TWNK: variants seen among roughly 807,000 people sequenced by gnomAD.
TWNK encodes twinkle mtDNA helicase, also known as T7 gp4-like protein with intramitochondrial nucleoid localization.
A neutral mutation model predicts 58.2 loss-of-function variants in TWNK; 36 were observed. The ratio of observed to expected loss-of-function variants is 0.62; its 90% CI spans 0.47 to 0.82. The LOEUF is 0.82. Ranked by LOEUF, TWNK falls within the 40% of genes least tolerant of loss-of-function variation. The pLI is 0.00. For missense variants in TWNK, 714 were observed against 881.0 expected (o/e 0.81, Z 2.40); for synonymous variants, 349 against 348.5 (o/e 1.00, Z -0.02).
chr10:100,990,887 C>T lies in TWNK; in HGVS notation c.1611C>T (p.Tyr537=). Residue 537 remains tyrosine (Y), a synonymous_variant, in exon 4 of 5, where the codon TAC becomes TAT. Transcript: ENST00000311916. ...LSTDRIAAQD[Y]IIGVFRKFAT... is the part of the protein sequence containing the mutation. ...GGCGTAGGATCGCAGCTCAAGACTA[C>T]ATCATCGGGGTCTTTCGGAAGTTTG... 1 of 1,614,262 alleles carries T rather than the reference C, an allele frequency of 6.2e-7. No homozygotes were observed. Among genetic ancestry groups the T allele is most frequent in the Non-Finnish European group, 8.5e-7 (1 of 1,180,052 alleles).
Position 100,993,500 on chromosome 10 carries a change from G to GACACC in TWNK, c.2045_2046insACACC (p.Ser683HisfsTer19). The stretch of plus-strand genomic sequence containing the variant: ...CCCGACCAGCCAGACACCTCCAAGC[G>GACACC]TTCAAAGTGAAGGCCGTGCAGAGCT... On this transcript the variant is annotated frameshift_variant, in exon 5 of 5. Coordinates refer to ENST00000311916, the MANE Select transcript of TWNK (RefSeq NM_021830.5). LOFTEE classifies it high-confidence loss of function. The GACACC allele has an allele frequency of 6.2e-7, 1 of 1,614,100 alleles. No homozygotes were observed. The highest frequency in any genetic ancestry group is 8.5e-7 in the Non-Finnish European group (1 of 1,180,022).
In TWNK at chr10:100,987,820, A is replaced by G; in HGVS notation, c.-391A>G. ...GGGCCTAGGGCAAAGGGACTACAAAAAGGATGCAGATGACTATAGAAATGA... is the reference window on the plus strand; with the variant it reads ...GGGCCTAGGGCAAAGGGACTACAAAGAGGATGCAGATGACTATAGAAATGA... On this transcript the variant is annotated 5_prime_UTR_variant, in exon 1 of 5. Transcript: ENST00000311916. 1 of 587,348 alleles carries G rather than the reference A, an allele frequency of 1.7e-6. No individual in the cohort carries two copies. The highest frequency in any genetic ancestry group is 3.0e-6 in the Non-Finnish European group (1 of 332,406). 36.4% of individuals were successfully genotyped at this position (587,348 alleles called of 1,614,324 possible).
chr10:100,988,095 C>A lies in TWNK; in HGVS notation c.-116C>A. 8.4e-7 allele frequency: 1 copy of A among 1,193,564 alleles called. No homozygotes were observed. The highest frequency in any genetic ancestry group is 1.2e-6 in the Non-Finnish European group (1 of 801,058). The allele number at this position is 1,193,564 out of a possible 1,614,324, so 73.9% of individuals were successfully genotyped here. A position where few individuals can be genotyped will look rare whatever the true frequency, so the allele number is the denominator to read the frequency against. On this transcript the variant is annotated 5_prime_UTR_variant, in exon 1 of 5. Coordinates refer to ENST00000311916, the MANE Select transcript of TWNK (RefSeq NM_021830.5). This position sits in a 1 kb window ranked among gnomAD's most constrained non-coding sequence, Gnocchi z 5.2. ...AAATTCATGGAGAGAAAGAATGCAC[C>A]TAGAGTGAGCTCTGCAGAGTGCTGC...
rs747597649 is a variant in TWNK at position 100,993,403 on chromosome 10, A to C, written c.1948A>C (p.Lys650Gln). The C allele has an allele frequency of 6.8e-6, 11 of 1,614,114 alleles. No individual in the cohort carries two copies. In the East Asian group the frequency reaches 2.2e-4, roughly 33 times the overall value. ...CAAGGATGACACTGGACCAGTGGCC[A>C]AAAAGCCCTCTTCTGGCAAAAAGGG... ...KIKDDTGPVA[K>Q]KPSSGKKGAT... Residue 650 changes from lysine (K) to glutamine (Q), a missense_variant, in exon 5 of 5, where the codon AAA (lysine) becomes CAA (glutamine). Lys to Gln is a moderately conservative substitution (Grantham distance 53, BLOSUM62 1). Around this residue, in one of 3 missense-constraint regions of TWNK, gnomAD observed 64 missense variants for 54.0 expected, o/e 1.19. Coordinates refer to ENST00000311916, the MANE Select transcript of TWNK (RefSeq NM_021830.5).
rs760988188 is a variant in TWNK at position 100,989,758 on chromosome 10, G to A, written c.1358G>A (p.Arg453Gln). ...SFEISNVRLARVMLTQFAEGR... is the reference protein window; with the variant it reads ...SFEISNVRLAQVMLTQFAEGR... ...GAGATCAGCAATGTGAGACTAGCCC[G>A]GGTCATGCTGACACAGTTTGCCGAG... Residue 453 changes from arginine to glutamine, a missense_variant, in exon 2 of 5, where the codon CGG becomes CAG. Transcript: ENST00000311916. This position sits in a 1 kb window ranked among gnomAD's most constrained non-coding sequence, Gnocchi z 7.6. 1.1e-5 allele frequency: 18 copies of A among 1,614,068 alleles called. No individual in the cohort carries two copies. The highest frequency in any genetic ancestry group is 2.7e-5 in the African/African-American group (2 of 74,912).
In TWNK at chr10:100,990,557, C is replaced by A. The variant is rs1177154543; in HGVS notation, c.1592+14C>A. On this transcript the variant is annotated intron_variant, in intron 3 of 4. Transcript: ENST00000311916. Reference sequence around the variant, plus strand: ...GTCCACAGACAGGTGACGGTGACATCCTCTCTTGTCTAGCTTGAGCCCGCT... The same window carrying A: ...GTCCACAGACAGGTGACGGTGACATACTCTCTTGTCTAGCTTGAGCCCGCT... 2.5e-6 allele frequency: 4 copies of A among 1,613,996 alleles called. No homozygotes were observed. Among genetic ancestry groups the A allele is most frequent in the Non-Finnish European group, 2.5e-6 (3 of 1,180,010 alleles).
At position 100,988,181 on chromosome 10, in the gene TWNK, C is replaced by A. The variant is rs745724496; in HGVS notation, c.-30C>A. On this transcript the variant is annotated 5_prime_UTR_variant, in exon 1 of 5. Coordinates refer to ENST00000311916, the MANE Select transcript of TWNK (RefSeq NM_021830.5). This position sits in a 1 kb window ranked among gnomAD's most constrained non-coding sequence, Gnocchi z 5.2. ...CGCTAACCAGGCACCTAAGGCATTT[C>A]AAGTAGTGACTTCCCACATTTGGCT... is the stretch of plus-strand genomic sequence containing the variant. 1.2e-6 allele frequency: 2 copies of A among 1,613,306 alleles called. No homozygotes were observed. Among genetic ancestry groups the A allele is most frequent in the South Asian group, 2.2e-5 (2 of 91,058 alleles).
chr10:100,993,107 C>A, intron 4 of TWNK, 83 bp from the exon 5 acceptor site: 1 of 1,433,456 alleles, frequency 7.0e-7, no homozygotes, highest in Non-Finnish European at 9.8e-7. Context: ...TCTTATCACT[C>A]CTCCCTGCCC....
chr10:100,990,764 A>G, intron 3 of TWNK, 105 bp from the exon 4 acceptor site: 1 of 1,565,892 alleles, frequency 6.4e-7, no homozygotes, highest in Non-Finnish European at 8.8e-7. Flanking sequence ...AGGGAGGTAG[A>G]GTGGGTTGTG....
rs200405447 is a variant in TWNK at position 100,988,673 on chromosome 10, C to G, written c.463C>G (p.Arg155Gly). The G allele has an allele frequency of 1.2e-6, 2 of 1,614,058 alleles. No homozygotes were observed. ...APEFEDSEEVRRIWNRAIPLW... is the reference protein window; with the variant it reads ...APEFEDSEEVGRIWNRAIPLW... ...AGAATTTGAGGACAGCGAGGAGGTC[C>G]GGAGGATCTGGAACCGAGCAATACC... is the stretch of plus-strand genomic sequence containing the variant. Residue 155 changes from arginine (R) to glycine (G), a missense_variant, in exon 1 of 5, where the codon CGG becomes GGG. By Grantham distance (125) the Arg-to-Gly change is moderately radical. Transcript: ENST00000311916. This position sits in a 1 kb window ranked among gnomAD's most constrained non-coding sequence, Gnocchi z 5.2.
chr10:100,987,936 G>A lies in TWNK; in HGVS notation c.-275G>A, dbSNP rs1851620239. On this transcript the variant is annotated 5_prime_UTR_variant, in exon 1 of 5. It removes the in-frame stop codon of an upstream open reading frame in the 5' UTR. Transcript: ENST00000311916. ...GTGAGGAACTGTATAGAGGGTCATA[G>A]AGGTGAGGTGGCGGAGAGAAACTAA... 2 of 619,360 alleles carry A rather than the reference G, an allele frequency of 3.2e-6. No individual in the cohort carries two copies. The highest frequency in any genetic ancestry group is 5.8e-6 in the Non-Finnish European group (2 of 346,976). 38.4% of individuals were successfully genotyped at this position (619,360 alleles called of 1,614,324 possible). A position where few individuals can be genotyped will look rare whatever the true frequency, so the allele number is the denominator to read the frequency against.
intron 2 of TWNK, among the ~76,000 whole-genome samples, chr10:100,990,225 A>T (rs1851731186): frequency 1.3e-5 from 2 of 152,210 alleles, no homozygotes; most frequent in Non-Finnish European, 2.9e-5. Flanking sequence ...AAGTAAGAGG[A>T]TCGCTTGAGC....
chr10:100,988,880 G>A lies in TWNK; in HGVS notation c.670G>A (p.Ala224Thr), dbSNP rs2133936641. ...SGLRGLKLLEAKCQGDGVSYE... is the reference protein window; with the variant it reads ...SGLRGLKLLETKCQGDGVSYE... ...ATTACGAGGCCTGAAGCTCCTAGAGGCTAAATGCCAGGGGGATGGAGTGAG... is the reference window on the plus strand; with the variant it reads ...ATTACGAGGCCTGAAGCTCCTAGAGACTAAATGCCAGGGGGATGGAGTGAG... The change falls in exon 1 of 5, where the codon GCT becomes ACT. Residue 224 changes from alanine (A) to threonine (T), a missense_variant. Transcript: ENST00000311916. This position sits in a 1 kb window ranked among gnomAD's most constrained non-coding sequence, Gnocchi z 5.2. The A allele has an allele frequency of 6.2e-7, 1 of 1,614,188 alleles. No individual in the cohort carries two copies. The highest frequency in any genetic ancestry group is 8.5e-7 in the Non-Finnish European group (1 of 1,180,032).
chr10:100,987,969 A>G lies in TWNK; in HGVS notation c.-242A>G, dbSNP rs1291449549. The G allele has an allele frequency of 7.9e-6, 5 of 632,266 alleles. No homozygotes were observed. Among genetic ancestry groups the G allele is most frequent in the Non-Finnish European group, 1.4e-5 (5 of 351,994 alleles). The allele number at this position is 632,266 out of a possible 1,614,324, so 39.2% of individuals were successfully genotyped here. ...GTGGCGGAGAGAAACTAACTAACGG[A>G]CCATAGAGGTGGGGGAGCCATTGTA... is the stretch of plus-strand genomic sequence containing the variant. On this transcript the variant is annotated 5_prime_UTR_variant, in exon 1 of 5. Coordinates refer to ENST00000311916, the MANE Select transcript of TWNK (RefSeq NM_021830.5).
rs1554886583 is a variant in TWNK at position 100,987,891 on chromosome 10, G to T, written c.-320G>T. ...GGAGGAGCAGTAGAGGTGAGAAGAT[G>T]ATGCAAAGAAACTGTGTCAGTGAGG... On this transcript the variant is annotated 5_prime_UTR_variant, in exon 1 of 5. The change abolishes an upstream ATG in the 5' untranslated region. Coordinates refer to ENST00000311916, the MANE Select transcript of TWNK (RefSeq NM_021830.5). 1.7e-6 allele frequency: 1 copy of T among 599,694 alleles called. No individual in the cohort carries two copies. The allele number at this position is 599,694 out of a possible 1,614,324, so 37.1% of individuals were successfully genotyped here. A position where few individuals can be genotyped will look rare whatever the true frequency, so the allele number is the denominator to read the frequency against.
chr10:100,989,495 A>T lies in TWNK; in HGVS notation c.1243+42A>T, dbSNP rs777137181. On this transcript the variant is annotated intron_variant, in intron 1 of 4. Coordinates refer to ENST00000311916, the MANE Select transcript of TWNK (RefSeq NM_021830.5). This position sits in a 1 kb window ranked among gnomAD's most constrained non-coding sequence, Gnocchi z 7.6. ...TCACTACTTAGAGTAAAGGGGCAGAAGATCAGGTGACAAAAGCAAGTGGGT... is the reference window on the plus strand; with the variant it reads ...TCACTACTTAGAGTAAAGGGGCAGATGATCAGGTGACAAAAGCAAGTGGGT... 5.6e-6 allele frequency: 9 copies of T among 1,611,444 alleles called. No homozygotes were observed. The highest frequency in any genetic ancestry group is 7.6e-6 in the Non-Finnish European group (9 of 1,179,730).
rs747990251 is a variant in TWNK, at chr10:100,989,058, T to C, written c.848T>C (p.Leu283Pro). The part of the protein sequence containing the change: ...NQSTGLPTLT[L>P]PRGTTCLPPA... ...TCCACGGGGCTGCCTACCCTTACTCTACCCCGAGGAACGACCTGCTTACCC... is the reference window on the plus strand; with the variant it reads ...TCCACGGGGCTGCCTACCCTTACTCCACCCCGAGGAACGACCTGCTTACCC... Residue 283 changes from leucine (L) to proline (P), a missense_variant, in exon 1 of 5, where the codon CTA (leucine) becomes CCA (proline). Physicochemically the swap from Leu to Pro is moderately conservative, Grantham distance 98. This residue lies in a region of TWNK where 348 missense variants were observed against 388.4 expected (regional missense o/e 0.90). Coordinates refer to ENST00000311916, the MANE Select transcript of TWNK (RefSeq NM_021830.5). This position sits in a 1 kb window ranked among gnomAD's most constrained non-coding sequence, Gnocchi z 7.6. The C allele has an allele frequency of 1.2e-6, 2 of 1,614,062 alleles. No individual in the cohort carries two copies. Among genetic ancestry groups the C allele is most frequent in the South Asian group, 1.1e-5 (1 of 91,086 alleles).
chr10:100,987,616 A>G lies in TWNK; in HGVS notation c.-595A>G. On this transcript the variant is annotated 5_prime_UTR_variant, in exon 1 of 5. An upstream open reading frame in the 5' UTR loses its in-frame stop. Transcript: ENST00000311916. The stretch of plus-strand genomic sequence containing the variant: ...GCGAAGTGGGAGAGAGAAAAGTGGT[A>G]ACCTGGGGCTGGGGGCCGGCGCGGC... The G allele has an allele frequency of 1.0e-6, 1 of 974,480 alleles. No individual in the cohort carries two copies. The highest frequency in any genetic ancestry group is 1.5e-6 in the Non-Finnish European group (1 of 678,918). 60.4% of individuals were successfully genotyped at this position (974,480 alleles called of 1,614,324 possible).
In TWNK at chr10:100,988,301, T is replaced by A. The variant is rs747184257; in HGVS notation, c.91T>A (p.Leu31Met). Reference protein sequence around the residue: ...WMGRRGLPRNLAPGPPRRRYR... With the variant: ...WMGRRGLPRNMAPGPPRRRYR... ...GGGTCGGAGGGGCCTGCCCCGAAAC[T>A]TGGCCCCAGGCCCTCCTCGCAGACG... The change falls in exon 1 of 5, where the codon TTG becomes ATG. Residue 31 changes from leucine (L) to methionine (M), a missense_variant. Physicochemically the swap from Leu to Met is conservative, Grantham distance 15 (BLOSUM62 2). Around this residue, in one of 3 missense-constraint regions of TWNK, gnomAD observed 348 missense variants for 388.4 expected, o/e 0.90. Coordinates refer to ENST00000311916, the MANE Select transcript of TWNK (RefSeq NM_021830.5). This position sits in a 1 kb window ranked among gnomAD's most constrained non-coding sequence, Gnocchi z 5.2. 1 of 1,614,204 alleles carries A rather than the reference T, an allele frequency of 6.2e-7. No individual in the cohort carries two copies. Among genetic ancestry groups the A allele is most frequent in the East Asian group, 2.2e-5 (1 of 44,888 alleles).
Sources: gnomAD v4.1 joint callset for allele counts (sites outside exome capture counted in the v4.1 genomes callset) on GRCh38, gnomAD v4.1.1 for gene constraint, gnomAD v4.1.1 regional missense constraint, Gnocchi (gnomAD v3.1) non-coding constraint, MANE v1.5 for transcripts, NCBI Gene and HGNC (gene_info 2026-07-23, HGNC 2026-07-21) for gene names.